Variants in PTPN13 observed in about 807,000 individuals in gnomAD.
PTPN13 encodes the protein protein tyrosine phosphatase non-receptor type 13.
Under a neutral mutation model 284.0 loss-of-function variants are expected in PTPN13, and 191 were observed. The observed-to-expected ratio is 0.67, with a 90% CI of 0.60 to 0.76. The LOEUF (loss-of-function observed/expected upper bound fraction) is 0.76. Ranked by LOEUF, PTPN13 falls within the 30% of genes least tolerant of loss-of-function variation. The pLI is 0.00. For missense variants in PTPN13, 2,797 were observed against 2,939.9 expected, an observed-to-expected ratio of 0.95 and a Z score of 1.12; for synonymous variants, 986 against 1,022.3, an observed-to-expected ratio of 0.96 and a Z score of 0.68.
At chr4:86,783,675 G>A (rs114532842) in intron 37 of PTPN13, among the ~76,000 whole-genome samples, 12,559 of 151,936 alleles carry the variant, frequency 0.083, 658 homozygotes, top group Non-Finnish European at 0.11. Context: ...AAATTCTATT[G>A]CATCTACCAT....
At chr4:86,803,102 G>GTT (rs1744221600) in intron 42 of PTPN13, among the ~76,000 whole-genome samples, 1 of 148,378 alleles carries the variant, frequency 6.7e-6, no homozygotes, top group Non-Finnish European at 1.5e-5. Context: ...GTGTGTGTGT[G>GTT]TATAAAATAA....
chr4:86,762,718 G>T lies in PTPN13; in HGVS notation c.3554-9G>T. Reference sequence around the variant, plus strand: ...CTTGTTACTCTCATTGATGGATTTTGACTTTTAGTGCCTTCTACTCCTGTG... The same window carrying T: ...CTTGTTACTCTCATTGATGGATTTTTACTTTTAGTGCCTTCTACTCCTGTG... On this transcript the variant is annotated splice_polypyrimidine_tract_variant and intron_variant, in intron 23 of 47. Coordinates refer to ENST00000411767, the MANE Select transcript of PTPN13 (RefSeq NM_080683.3). The T allele has an allele frequency of 1.3e-6, 2 of 1,573,070 alleles. No individual in the cohort carries two copies. Among genetic ancestry groups the T allele is most frequent in the South Asian group, 2.2e-5 (2 of 89,242 alleles).
chr4:86,699,052 C>G lies in PTPN13; in HGVS notation c.635-2189C>G, dbSNP rs138985487. ...TCCAGAATACATATTGGGGATTGGCCTTCAACTGGCAGGAAATTTCATCGT... is the reference window on the plus strand; with the variant it reads ...TCCAGAATACATATTGGGGATTGGCGTTCAACTGGCAGGAAATTTCATCGT... On this transcript the variant is annotated intron_variant, in intron 6 of 47. Coordinates refer to ENST00000411767, the MANE Select transcript of PTPN13 (RefSeq NM_080683.3). Among the ~76,000 whole-genome samples, 49 of 152,090 alleles carry G rather than the reference C, an allele frequency of 3.2e-4. No individual in the cohort carries two copies. The East Asian group carries it at 8.7e-3, about 27-fold the overall frequency.
chr4:86,655,351 A>G (rs1042295262), intron 2 of PTPN13, among the ~76,000 whole-genome samples: 2 of 152,030 alleles, frequency 1.3e-5, no homozygotes, highest in African/African-American at 2.4e-5. Context: ...GGTCTTTACA[A>G]TTTGGCATGT....
rs954297887 is a variant in PTPN13, at chr4:86,707,942, G to C, written c.1195+6141G>C. 3.3e-5 allele frequency among the ~76,000 whole-genome samples: 5 copies of C among 152,238 alleles called. No individual in the cohort carries two copies. The East Asian group carries it at 7.7e-4, about 23-fold the overall frequency. On this transcript the variant is annotated intron_variant, in intron 7 of 47. Transcript: ENST00000411767. ...AGATGCAAATATATTTTGTTTCTCTGAATTATAATGTAGATAGAATCAACA... is the reference window on the plus strand; with the variant it reads ...AGATGCAAATATATTTTGTTTCTCTCAATTATAATGTAGATAGAATCAACA...
At chr4:86,807,965 T>G (rs1744831511) in intron 45 of PTPN13, 68 bp downstream of exon 45, 1 of 1,323,200 alleles carries the variant, frequency 7.6e-7, no homozygotes. Flanking sequence ...CTGGACTCTT[T>G]CCGTGATTGC....
intron 2 of PTPN13, among the ~76,000 whole-genome samples, chr4:86,662,759 TATTA>T (rs1361204745): frequency 6.6e-6 from 1 of 152,230 alleles, no homozygotes; most frequent in Non-Finnish European, 1.5e-5. Context: ...AAAAAATTGA[TATTA>T]ATTCCATGAC....
chr4:86,758,826 G>A (rs749332405), intron 22 of PTPN13, 41 bp downstream of exon 22: 2 of 1,596,804 alleles, frequency 1.3e-6, no homozygotes, highest in Non-Finnish European at 1.7e-6. Context: ...TTTTCTGACA[G>A]GCATGAATTT....
At chr4:86,667,105 C>A (rs1447934412) in intron 2 of PTPN13, among the ~76,000 whole-genome samples, 1 of 152,108 alleles carries the variant, frequency 6.6e-6, no homozygotes, top group African/African-American at 2.4e-5. Context: ...CTAAATAATT[C>A]TTTTTAAACT....
At chr4:86,699,695 A>G (rs1297746458) in intron 6 of PTPN13, among the ~76,000 whole-genome samples, 1 of 152,230 alleles carries the variant, frequency 6.6e-6, no homozygotes, top group Non-Finnish European at 1.5e-5. Flanking sequence ...AGGTAGCAGG[A>G]TAAGGCAGAT....
chr4:86,775,534 C>T lies in PTPN13; in HGVS notation c.5773C>T (p.Leu1925Phe), dbSNP rs1351700257. ...PRSVAAIEGNLQLLDVIHYVN... is the reference protein window; with the variant it reads ...PRSVAAIEGNFQLLDVIHYVN... ...GTCCGTCGCAGCCATTGAGGGTAAT[C>T]TCCAGCTATTAGATGTCATCCATTA... is the stretch of plus-strand genomic sequence containing the variant. The change falls in exon 35 of 48, where the codon CTC becomes TTC. Residue 1925 changes from leucine (L) to phenylalanine (F), a missense_variant. Physicochemically the swap from Leu to Phe is conservative, Grantham distance 22. Coordinates refer to ENST00000411767, the MANE Select transcript of PTPN13 (RefSeq NM_080683.3). The T allele has an allele frequency of 2.5e-6, 4 of 1,613,346 alleles. No individual in the cohort carries two copies. The highest frequency in any genetic ancestry group is 3.4e-6 in the Non-Finnish European group (4 of 1,179,470).
intron 41 of PTPN13, among the ~76,000 whole-genome samples, chr4:86,798,348 A>G (rs1361535404): frequency 1.3e-5 from 2 of 152,220 alleles, no homozygotes; most frequent in East Asian, 1.9e-4. Flanking sequence ...AGGGGGAAAC[A>G]TCTGTCATAA....
rs1380035486 is a variant in PTPN13, at chr4:86,770,001, G to T, written c.4704+18G>T. The T allele has an allele frequency of 1.2e-5, 20 of 1,613,144 alleles. No homozygotes were observed. Among genetic ancestry groups the T allele is most frequent in the Non-Finnish European group, 1.7e-5 (20 of 1,179,380 alleles). On this transcript the variant is annotated intron_variant, in intron 29 of 47. Transcript: ENST00000411767. ...CTCAGCAGGTGAGCCCCTAGCATGT[G>T]GAGTATAGCATTTTTAATGATGAGA...
intron 16 of PTPN13, 49 bp from the exon 17 acceptor site, chr4:86,744,914 AAAT>A: frequency 7.5e-7 from 1 of 1,331,152 alleles, no homozygotes; most frequent in Non-Finnish European, 1.0e-6. Context: ...CAAGAAATAT[AAAT>A]AATATCTCTA....
chr4:86,665,738 C>G (rs752636796), intron 2 of PTPN13, among the ~76,000 whole-genome samples: 3 of 152,016 alleles, frequency 2.0e-5, no homozygotes, highest in Non-Finnish European at 4.4e-5. Flanking sequence ...AAAAATTTCC[C>G]AAAGATCTAG....
In PTPN13 at chr4:86,754,875, A is replaced by AT. The variant is rs556129529; in HGVS notation, c.3223+1811dup. Among the ~76,000 whole-genome samples, 300 of 152,162 alleles carry AT rather than the reference A, an allele frequency of 2.0e-3. 2 individuals carry two copies. Among genetic ancestry groups the AT allele is most frequent in the Non-Finnish European group, 3.3e-3 (227 of 67,932 alleles). On this transcript the variant is annotated intron_variant, in intron 20 of 47. Coordinates refer to ENST00000411767, the MANE Select transcript of PTPN13 (RefSeq NM_080683.3). ...TGGACAGTAGGGCCAATCCACCTTC[A>AT]TATAGAGGTATGCCTCAGTTAGCTT...
chr4:86,653,509 T>C (rs1725348405), intron 2 of PTPN13, among the ~76,000 whole-genome samples: 1 of 151,150 alleles, frequency 6.6e-6, no homozygotes, highest in African/African-American at 2.4e-5. Context: ...TTTTTTTTTT[T>C]GATTTTGTGT....
At chr4:86,749,646 A>G (rs367991807) in intron 17 of PTPN13, among the ~76,000 whole-genome samples, 1 of 152,252 alleles carries the variant, frequency 6.6e-6, no homozygotes. Context: ...GTTATAAAGT[A>G]TCTGTAAATT....
chr4:86,696,497 A>G (rs981368793), intron 6 of PTPN13, among the ~76,000 whole-genome samples: 2 of 151,974 alleles, frequency 1.3e-5, no homozygotes, highest in African/African-American at 4.8e-5. Context: ...TATAACAATA[A>G]AAACATCAGA....
Sources: gnomAD v4.1 joint callset for allele counts (sites outside exome capture counted in the v4.1 genomes callset) on GRCh38, gnomAD v4.1.1 for gene constraint, MANE v1.5 for transcripts, NCBI Gene and HGNC (gene_info 2026-07-23, HGNC 2026-07-21) for gene names.